The following FILIP1 variants were observed in gnomAD, a reference collection of about 807,000 sequenced individuals.
FILIP1 encodes the protein filamin A interacting protein 1, also known as filamin-A-interacting protein 1.
Under a neutral mutation model 102.1 loss-of-function variants are expected in FILIP1, and 61 were observed. The ratio of observed to expected loss-of-function variants is 0.60; its 90% CI spans 0.49 to 0.74. The LOEUF is 0.74. Ranked by LOEUF, FILIP1 falls within the 30% of genes least tolerant of loss-of-function variation. FILIP1 has a pLI of 0.00. For missense variants in FILIP1, 1,314 were observed against 1,441.2 expected (o/e 0.91, Z 1.43); for synonymous variants, 491 against 526.9 (o/e 0.93, Z 0.93).
chr6:75,390,243 CA>C (rs1316706291), intron 2 of FILIP1, among the ~76,000 whole-genome samples: 1 of 152,186 alleles, frequency 6.6e-6, no homozygotes, highest in Non-Finnish European at 1.5e-5. Flanking sequence ...CCTTGCTCAT[CA>C]TCACTGCTTC....
intron 2 of FILIP1, among the ~76,000 whole-genome samples, chr6:75,380,951 A>G (rs887107255): frequency 6.6e-6 from 1 of 152,152 alleles, no homozygotes; most frequent in African/African-American, 2.4e-5. Context: ...AAATTTTCCT[A>G]AATCATTGTT....
At chr6:75,357,661 T>A (rs1775048943) in intron 3 of FILIP1, among the ~76,000 whole-genome samples, 1 of 152,260 alleles carries the variant, frequency 6.6e-6, no homozygotes, top group Non-Finnish European at 1.5e-5. Flanking sequence ...TAAATTCTTC[T>A]GCTATAACAC....
Position 75,441,983 on chromosome 6 carries a change from C to T in FILIP1, c.-6-27005G>A, listed in dbSNP as rs1235637941. On this transcript the variant is annotated intron_variant, in intron 1 of 5. Coordinates refer to ENST00000237172, the MANE Select transcript of FILIP1 (RefSeq NM_015687.5). The stretch of plus-strand genomic sequence containing the variant: ...GGGGTGGCTGCGGGGCGGAGACGCT[C>T]CTCACTTCCCAGACGGGGTGGCTGC... 2.0e-5 allele frequency among the ~76,000 whole-genome samples: 3 copies of T among 151,842 alleles called. No individual in the cohort carries two copies. The East Asian group carries it at 5.9e-4, about 30-fold the overall frequency.
intron 2 of FILIP1, among the ~76,000 whole-genome samples, chr6:75,395,826 T>C (rs2149663497): frequency 6.6e-6 from 1 of 152,304 alleles, no homozygotes; most frequent in African/African-American, 2.4e-5. Context: ...TTCTCTCCCC[T>C]GAGTCCTTGA....
At chr6:75,416,586 CAAAAA>C (rs35413915) in intron 1 of FILIP1, among the ~76,000 whole-genome samples, 2 of 130,616 alleles carry the variant, frequency 1.5e-5, no homozygotes. Flanking sequence ...AGCCCCAATC[CAAAAA>C]AAAAAAAAAA....
At chr6:75,345,193 C>T (rs1401853316) in intron 4 of FILIP1, among the ~76,000 whole-genome samples, 6 of 152,100 alleles carry the variant, frequency 3.9e-5, no homozygotes, top group Non-Finnish European at 7.4e-5. Context: ...CTCAAGCCCT[C>T]CCTTTCAACA....
intron 1 of FILIP1, among the ~76,000 whole-genome samples, chr6:75,492,352 T>C (rs777724390): frequency 3.7e-4 from 56 of 152,228 alleles, no homozygotes; most frequent in Non-Finnish European, 6.2e-4. Context: ...TTTACATTGA[T>C]AGAATAGACT....
intron 1 of FILIP1, among the ~76,000 whole-genome samples, chr6:75,452,183 T>C (rs1472918863): frequency 1.2e-4 from 18 of 151,862 alleles, no homozygotes; most frequent in Admixed American, 1.2e-3. Context: ...TATGTATACA[T>C]GTGCCATGTT....
At chr6:75,336,561 C>T (rs1774249526) in intron 4 of FILIP1, among the ~76,000 whole-genome samples, 1 of 151,914 alleles carries the variant, frequency 6.6e-6, no homozygotes. Flanking sequence ...AAGCGGCAGG[C>T]ATCTTGTACT....
At chr6:75,321,033 C>T (rs1014696139) in intron 4 of FILIP1, among the ~76,000 whole-genome samples, 5 of 152,088 alleles carry the variant, frequency 3.3e-5, no homozygotes, top group Non-Finnish European at 7.4e-5. Flanking sequence ...TCTTCTTCCT[C>T]CTCCTCCTTC....
chr6:75,425,569 T>C (rs1305747573), intron 1 of FILIP1, among the ~76,000 whole-genome samples: 2 of 152,124 alleles, frequency 1.3e-5, no homozygotes, highest in African/African-American at 4.8e-5. Context: ...TCAACATCCT[T>C]AGCATTTGTT....
chr6:75,485,192 C>T (rs972239739), intron 1 of FILIP1, among the ~76,000 whole-genome samples: 7 of 152,168 alleles, frequency 4.6e-5, no homozygotes, highest in African/African-American at 1.7e-4. Flanking sequence ...AGAAAACAGA[C>T]AGCCTTCGTG....
chr6:75,307,303 A>G (rs1448935838), downstream of FILIP1, among the ~76,000 whole-genome samples: 1 of 152,230 alleles, frequency 6.6e-6, no homozygotes, highest in Non-Finnish European at 1.5e-5. Context: ...ATGTTGAATC[A>G]TGAGATAAAA....
chr6:75,324,897 G>T lies in FILIP1; in HGVS notation c.630-9695C>A, dbSNP rs1442831935. On this transcript the variant is annotated intron_variant, in intron 4 of 5. Coordinates refer to ENST00000237172, the MANE Select transcript of FILIP1 (RefSeq NM_015687.5). Reference sequence around the variant, plus strand: ...ATTGGCAAGCCGCATGTAGAAGAATGAAACTTGATCCTCATCTCACCTTAT... The same window carrying T: ...ATTGGCAAGCCGCATGTAGAAGAATTAAACTTGATCCTCATCTCACCTTAT... 3.3e-5 allele frequency among the ~76,000 whole-genome samples: 5 copies of T among 152,284 alleles called. No individual in the cohort carries two copies. In the East Asian group the frequency reaches 7.7e-4, roughly 24 times the overall value.
At chr6:75,319,175 C>A in intron 4 of FILIP1, 1 of 734,356 alleles carries the variant, frequency 1.4e-6, no homozygotes, top group Non-Finnish European at 2.5e-6. Context: ...TTTCCTTTAG[C>A]TTGATATGCA....
rs753979291 is a variant in FILIP1, at chr6:75,353,631, G to A, written c.537C>T (p.Thr179=). 18 of 1,614,032 alleles carry A rather than the reference G, an allele frequency of 1.1e-5. No individual in the cohort carries two copies. In the South Asian group the frequency reaches 1.4e-4, roughly 13 times the overall value. ...GCTTCTCGTTCTCTAACTCGTATAC[G>A]GTGCGCCTATGACACTTCTCGGCCA... ...LLLAEKCHRR[T]VYELENEKHK... Residue 179 remains threonine, a synonymous_variant, in exon 4 of 6, where the codon ACC becomes ACT. Coordinates refer to ENST00000237172, the MANE Select transcript of FILIP1 (RefSeq NM_015687.5).
intron 1 of FILIP1, chr6:75,454,816 T>G (rs1384962947): frequency 6.6e-6 from 1 of 152,144 alleles, no homozygotes; most frequent in Non-Finnish European, 1.5e-5. Context: ...TTCATTTTTG[T>G]AGGATCAACT....
chr6:75,355,391 A>ATTT (rs397885759), intron 3 of FILIP1, among the ~76,000 whole-genome samples: 2 of 131,336 alleles, frequency 1.5e-5, no homozygotes, highest in Non-Finnish European at 3.2e-5. Context: ...AGGTTATAAG[A>ATTT]TTTTTTTTTT....
intron 2 of FILIP1, among the ~76,000 whole-genome samples, chr6:75,388,313 G>A (rs140753699): frequency 7.9e-4 from 121 of 152,228 alleles, no homozygotes; most frequent in African/African-American, 1.9e-3. Flanking sequence ...GTCAGATAGC[G>A]TGATGCCTCC....
Sources: allele counts gnomAD v4.1 joint callset (sites outside exome capture counted in the v4.1 genomes callset), GRCh38; gene constraint gnomAD v4.1.1; transcripts MANE v1.5; gene names NCBI Gene and HGNC (gene_info 2026-07-23, HGNC 2026-07-21).